The following SORT1 variants were observed in gnomAD, a reference collection of about 807,000 sequenced individuals.
The protein encoded by SORT1 is sortilin 1.
Under a neutral mutation model 101.7 loss-of-function variants are expected in SORT1, and 39 were observed. That is an observed-to-expected ratio of 0.38 (90% confidence interval 0.30 to 0.50). SORT1 has a LOEUF of 0.50. SORT1 is among the 20% of genes least tolerant of loss of function. The pLI is 0.90. For synonymous variants in SORT1, 396 were observed against 393.7 expected (o/e 1.01, Z -0.07); for missense variants, 878 against 1,040.4 (o/e 0.84, Z 2.15).
chr1:109,318,583 G>C (rs1240341452), intron 15 of SORT1, among the ~76,000 whole-genome samples: 2 of 152,196 alleles, frequency 1.3e-5, no homozygotes, highest in Non-Finnish European at 2.9e-5. Flanking sequence ...CAGAGGGGTG[G>C]AGACTCACAC....
rs117024338 is a variant in SORT1 at position 109,382,910 on chromosome 1, C to A, written c.307-13321G>T. On this transcript the variant is annotated intron_variant, in intron 1 of 19. Transcript: ENST00000256637. Reference sequence around the variant, plus strand: ...CAGGGGGCCCCCATACTTTAGAGTTCATGAATTAGCACAATGTTCATTTCT... The same window carrying A: ...CAGGGGGCCCCCATACTTTAGAGTTAATGAATTAGCACAATGTTCATTTCT... Among the ~76,000 whole-genome samples the A allele has an allele frequency of 2.2e-4, 33 of 152,242 alleles. No homozygotes were observed. The East Asian group carries it at 5.2e-3, about 24-fold the overall frequency.
intron 17 of SORT1, among the ~76,000 whole-genome samples, chr1:109,316,319 A>G (rs977496405): frequency 1.3e-5 from 2 of 150,918 alleles, no homozygotes; most frequent in African/African-American, 4.9e-5. Flanking sequence ...CCAGGTTCAC[A>G]TGATTCTCCT....
At chr1:109,387,970 GA>G (rs967314862) in intron 1 of SORT1, among the ~76,000 whole-genome samples, 20 of 152,092 alleles carry the variant, frequency 1.3e-4, no homozygotes, top group African/African-American at 4.8e-4. Context: ...GAAAAAGAAA[GA>G]AAGGCATTTT....
Position 109,327,559 on chromosome 1 carries a change from G to GT in SORT1, c.1413dup (p.Leu472ThrfsTer22). ...GAGAGTGGGGCCATTGGAACATTCA[G>GT]TTTCTGGGAGATGCTGTAGGAAGCA... On this transcript the variant is annotated frameshift_variant, in exon 12 of 20. Coordinates refer to ENST00000256637, the MANE Select transcript of SORT1 (RefSeq NM_002959.7). LOFTEE classifies it high-confidence loss of function. 6.2e-7 allele frequency: 1 copy of GT among 1,611,800 alleles called. No individual in the cohort carries two copies. The highest frequency in any genetic ancestry group is 1.1e-5 in the South Asian group (1 of 90,706).
chr1:109,375,541 C>CAAAGAAAAAAAA (rs371373105), intron 1 of SORT1, among the ~76,000 whole-genome samples: 1 of 71,082 alleles, frequency 1.4e-5, no homozygotes, highest in Non-Finnish European at 2.5e-5. Flanking sequence ...GACTCCGTTT[C>CAAAGAAAAAAAA]AAAAAAAAAA....
chr1:109,332,862 AAGAC>A (rs1430475157), intron 11 of SORT1, among the ~76,000 whole-genome samples: 2 of 152,208 alleles, frequency 1.3e-5, no homozygotes, highest in East Asian at 1.9e-4. Context: ...CAATGTGAAA[AAGAC>A]AGCCTCTTAA....
At chr1:109,358,256 A>AT (rs1048590397) in intron 3 of SORT1, among the ~76,000 whole-genome samples, 4 of 152,278 alleles carry the variant, frequency 2.6e-5, no homozygotes, top group Non-Finnish European at 4.4e-5. Flanking sequence ...CCAGGGGTAT[A>AT]TTTTTTAACA....
chr1:109,375,928 T>C (rs1651804082), intron 1 of SORT1, among the ~76,000 whole-genome samples: 1 of 152,086 alleles, frequency 6.6e-6, no homozygotes, highest in African/African-American at 2.4e-5. Context: ...TGACTATTAC[T>C]AAAACATCAC....
intron 11 of SORT1, among the ~76,000 whole-genome samples, chr1:109,328,445 T>G (rs1329371499): frequency 6.6e-6 from 1 of 152,200 alleles, no homozygotes; most frequent in Non-Finnish European, 1.5e-5. Flanking sequence ...GATACCTCAT[T>G]GTGGTTTTGA....
At chr1:109,348,336 G>C (rs972384856) in intron 6 of SORT1, among the ~76,000 whole-genome samples, 6 of 149,888 alleles carry the variant, frequency 4.0e-5, no homozygotes, top group Admixed American at 6.6e-5. Flanking sequence ...CTAGAAACTA[G>C]AGATCTAAAA....
rs578125168 is a variant in SORT1, at chr1:109,329,170, G to C, written c.1372-1569C>G. ...AAGCCATCTGTAAAGGCCTATGTGT[G>C]TAAGAGGACACATAGGCTAAAAGTA... is the stretch of plus-strand genomic sequence containing the variant. On this transcript the variant is annotated intron_variant, in intron 11 of 19. Transcript: ENST00000256637. 1.4e-3 allele frequency among the ~76,000 whole-genome samples: 215 copies of C among 152,288 alleles called. 2 individuals carry two copies. Among genetic ancestry groups the C allele is most frequent in the Non-Finnish European group, 5.9e-5 (4 of 68,032 alleles).
intron 11 of SORT1, among the ~76,000 whole-genome samples, chr1:109,331,215 C>A (rs1224536211): frequency 6.6e-6 from 1 of 152,090 alleles, no homozygotes; most frequent in Non-Finnish European, 1.5e-5. Flanking sequence ...TGCAAAAATT[C>A]TCAACAAAAT....
intron 8 of SORT1, among the ~76,000 whole-genome samples, chr1:109,342,848 C>T (rs896095719): frequency 1.3e-5 from 2 of 152,006 alleles, no homozygotes; most frequent in Non-Finnish European, 2.9e-5. Flanking sequence ...AGCTTAACAT[C>T]GCTACTAGAT....
At chr1:109,366,549 CCT>C (rs1239462990) in intron 3 of SORT1, among the ~76,000 whole-genome samples, 17 of 152,152 alleles carry the variant, frequency 1.1e-4, no homozygotes, top group South Asian at 2.1e-4. Context: ...TTGTTCTGCC[CCT>C]GAGTCAGGTC....
In SORT1 at chr1:109,350,970, T is replaced by C; in HGVS notation, c.741A>G (p.Gly247=). The change falls in exon 6 of 20, where the codon GGA becomes GGG. Residue 247 remains glycine, a synonymous_variant. Coordinates refer to ENST00000256637, the MANE Select transcript of SORT1 (RefSeq NM_002959.7). ...NGLWVSKNFG[G]KWEEIHKAVC... ...CTGCTTTGTGGATTTCTTCCCATTT[T>C]CCCCCAAAATTCTTGGACACCCACA... 6.2e-7 allele frequency: 1 copy of C among 1,612,994 alleles called. No homozygotes were observed. The highest frequency in any genetic ancestry group is 8.5e-7 in the Non-Finnish European group (1 of 1,178,928).
chr1:109,377,952 C>G (rs565971542), intron 1 of SORT1, among the ~76,000 whole-genome samples: 12 of 152,072 alleles, frequency 7.9e-5, no homozygotes, highest in Non-Finnish European at 1.6e-4. Flanking sequence ...GAATTTCAGG[C>G]TGAGTATGGT....
intron 5 of SORT1, 51 bp downstream of exon 5, chr1:109,354,316 T>C (rs776732421): frequency 2.1e-5 from 30 of 1,419,276 alleles, no homozygotes; most frequent in South Asian, 6.0e-5. Context: ...AGACAGTACA[T>C]TTGAGACTAT....
chr1:109,393,008 G>C, intron 1 of SORT1: 1 of 985,416 alleles, frequency 1.0e-6, no homozygotes, highest in Non-Finnish European at 1.2e-6. Flanking sequence ...AGGAAGTTCC[G>C]GGGCATTAAA....
chr1:109,391,868 A>T (rs1652935206), intron 1 of SORT1, among the ~76,000 whole-genome samples: 1 of 152,232 alleles, frequency 6.6e-6, no homozygotes, highest in African/African-American at 2.4e-5. Flanking sequence ...ACAAGTTTTC[A>T]CCAAGTTTTT....
Sources: allele counts gnomAD v4.1 joint callset (sites outside exome capture counted in the v4.1 genomes callset), GRCh38; gene constraint gnomAD v4.1.1; transcripts MANE v1.5; gene names NCBI Gene and HGNC (gene_info 2026-07-23, HGNC 2026-07-21).